Variants in VPS16 observed in about 807,000 individuals in gnomAD.
The protein encoded by VPS16 is VPS16 core subunit of CORVET and HOPS complexes.
VPS16 carries 82 observed loss-of-function variants against 116.0 expected under a neutral mutation model. The ratio of observed to expected loss-of-function variants is 0.71; its 90% CI spans 0.59 to 0.85. VPS16 has a LOEUF of 0.85. Ranked by LOEUF, VPS16 falls within the 40% of genes least tolerant of loss-of-function variation. The probability of loss-of-function intolerance (pLI) is 0.00; values close to 1 mark genes in which losing one functional copy is unlikely to be tolerated. For missense variants in VPS16, 928 were observed against 1,090.6 expected (o/e 0.85, Z 2.10); for synonymous variants, 406 against 420.7 (o/e 0.96, Z 0.43).
At chr20:2,840,894 G>A (rs2088961761) in intron 1 of VPS16, 67 bp downstream of exon 1, 6 of 1,233,162 alleles carry the variant, frequency 4.9e-6, no homozygotes, top group Non-Finnish European at 6.4e-6. Flanking sequence ...GGAGTCTCCC[G>A]GCGGCGTTCG....
intron 22 of VPS16, 140 bp from the exon 23 acceptor site, chr20:2,866,072 G>C: frequency 1.4e-6 from 1 of 730,656 alleles, no homozygotes; most frequent in Non-Finnish European, 2.3e-6. Context: ...GTGCATGGGG[G>C]TTGGGGGATT....
intron 1 of VPS16, among the ~76,000 whole-genome samples, chr20:2,851,894 T>C (rs2089126010): frequency 6.6e-6 from 1 of 151,912 alleles, no homozygotes; most frequent in Non-Finnish European, 1.5e-5. Flanking sequence ...TGGCGTGAAG[T>C]CGGGAGGCGG....
At chr20:2,848,377 G>A (rs1454120660) in intron 1 of VPS16, among the ~76,000 whole-genome samples, 1 of 152,110 alleles carries the variant, frequency 6.6e-6, no homozygotes, top group African/African-American at 2.4e-5. Flanking sequence ...TCAAAGTGCT[G>A]GGATTACAAG....
At chr20:2,853,821 C>T (rs369245986) in intron 1 of VPS16, among the ~76,000 whole-genome samples, 2 of 151,952 alleles carry the variant, frequency 1.3e-5, no homozygotes, top group African/African-American at 4.8e-5. Flanking sequence ...TACAGGCACC[C>T]GCCACCACAC....
intron 1 of VPS16, among the ~76,000 whole-genome samples, chr20:2,847,198 AG>A (rs2089069033): frequency 6.6e-6 from 1 of 152,014 alleles, no homozygotes; most frequent in Non-Finnish European, 1.5e-5. Flanking sequence ...GTACCCCTTT[AG>A]GGGGTCCATT....
At position 2,863,203 on chromosome 20, in the gene VPS16, G is replaced by A. The variant is rs995622167; in HGVS notation, c.1368-87G>A. 26 of 1,610,440 alleles carry A rather than the reference G, an allele frequency of 1.6e-5. No homozygotes were observed. Among genetic ancestry groups the A allele is most frequent in the Non-Finnish European group, 2.1e-5 (25 of 1,177,180 alleles). ...ACTGCTCCTGACCTATCTAGGATGT[G>A]GGAGGCCTGATGTGCAGGCTGAGGC... On this transcript the variant is annotated intron_variant, in intron 14 of 23. Transcript: ENST00000380445. The surrounding 1 kb of genome is among the most constrained non-coding windows in gnomAD (Gnocchi z 4.4).
chr20:2,860,599 C>T lies in VPS16; in HGVS notation c.514+6C>T. 1 of 1,613,452 alleles carries T rather than the reference C, an allele frequency of 6.2e-7. No homozygotes were observed. The highest frequency in any genetic ancestry group is 1.3e-5 in the African/African-American group (1 of 75,018). On this transcript the variant is annotated splice_donor_region_variant and intron_variant, in intron 5 of 23. Transcript: ENST00000380445. This position sits in a 1 kb window ranked among gnomAD's most constrained non-coding sequence, Gnocchi z 6.1. ...CCGGATGCCAGAGGTGCCAGGTAAG[C>T]CCTGACACCGCTGAGATAGCCAAGC... is the stretch of plus-strand genomic sequence containing the variant.
In VPS16 at chr20:2,864,112, T is replaced by C; in HGVS notation, c.1611+29T>C. ...TGGGTGCCCAGCCCTCCACAGACAC[T>C]CTGATGTGGTTGTTCAGGGCCCCCA... On this transcript the variant is annotated intron_variant, in intron 16 of 23. Transcript: ENST00000380445. The surrounding 1 kb of genome is among the most constrained non-coding windows in gnomAD (Gnocchi z 5.2). The C allele has an allele frequency of 6.2e-7, 1 of 1,613,628 alleles. No homozygotes were observed. Among genetic ancestry groups the C allele is most frequent in the South Asian group, 1.1e-5 (1 of 91,074 alleles).
chr20:2,855,907 C>G (rs2089167464), intron 1 of VPS16, among the ~76,000 whole-genome samples: 1 of 152,186 alleles, frequency 6.6e-6, no homozygotes, highest in African/African-American at 2.4e-5. Context: ...TTTCTCCTTA[C>G]CCGCAAAAAG....
Position 2,863,327 on chromosome 20 carries a change from A to T in VPS16, c.1405A>T (p.Ile469Leu). The change falls in exon 15 of 24, where the codon ATA (isoleucine) becomes TTA (leucine). Residue 469 changes from isoleucine (I) to leucine (L), a missense_variant. Transcript: ENST00000380445. This position sits in a 1 kb window ranked among gnomAD's most constrained non-coding sequence, Gnocchi z 4.4. ...LRRLYPLAIQ[I>L]CEYLRLPEVQ... ...GAGACTTTACCCCCTGGCCATCCAG[A>T]TATGCGAGTACTTGCGCCTTCCTGA... The T allele has an allele frequency of 6.2e-7, 1 of 1,614,168 alleles. No homozygotes were observed.
Position 2,840,779 on chromosome 20 carries a change from A to T in VPS16, c.5A>T (p.Asp2Val), listed in dbSNP as rs1305419216. M[D>V]CYTANWNPLG... ...CAGCTGCCGTCTGCACCAGCCATGG[A>T]CTGCTACACGGCGAACTGGAACCCA... is the stretch of plus-strand genomic sequence containing the variant. The change falls in exon 1 of 24, where the codon GAC becomes GTC. Residue 2 changes from aspartate to valine, a missense_variant. By Grantham distance (152) the Asp-to-Val change is radical. Coordinates refer to ENST00000380445, the MANE Select transcript of VPS16 (RefSeq NM_022575.4). The T allele has an allele frequency of 6.5e-7, 1 of 1,548,522 alleles. No individual in the cohort carries two copies. The highest frequency in any genetic ancestry group is 2.0e-5 in the Admixed American group (1 of 50,994).
intron 1 of VPS16, among the ~76,000 whole-genome samples, chr20:2,846,826 C>T (rs2089064898): frequency 6.6e-6 from 1 of 152,184 alleles, no homozygotes; most frequent in African/African-American, 2.4e-5. Flanking sequence ...TTCACTGTTT[C>T]CAGCAGGGGA....
intron 1 of VPS16, among the ~76,000 whole-genome samples, chr20:2,858,197 C>T (rs1210859490): frequency 4.0e-5 from 6 of 151,776 alleles, no homozygotes; most frequent in Admixed American, 1.3e-4. Flanking sequence ...CAGGTTCAAG[C>T]GATCCTCCTG....
chr20:2,843,299 G>A (rs2089027964), intron 1 of VPS16, among the ~76,000 whole-genome samples: 1 of 152,108 alleles, frequency 6.6e-6, no homozygotes, highest in African/African-American at 2.4e-5. Context: ...GGGCGTGGTG[G>A]CACACACCTA....
rs374914263 is a variant in VPS16 at position 2,864,990 on chromosome 20, C to T, written c.1939C>T (p.Arg647Ter). The change falls in exon 20 of 24, where the codon CGA becomes TGA. Residue 647 changes from arginine to a stop codon, truncating the protein, a stop_gained. Coordinates refer to ENST00000380445, the MANE Select transcript of VPS16 (RefSeq NM_022575.4). LOFTEE classifies it high-confidence loss of function. This position sits in a 1 kb window ranked among gnomAD's most constrained non-coding sequence, Gnocchi z 5.2. ...SYAAEERIEG[R>*]VAALQTAADA... ...CTTGTCTTTATAGCGTATTGAGGGG[C>T]GAGTAGCAGCTCTGCAGACAGCCGC... is the stretch of plus-strand genomic sequence containing the variant. 5 of 1,613,994 alleles carry T rather than the reference C, an allele frequency of 3.1e-6. No homozygotes were observed. The African/African-American group carries it at 4.0e-5, about 13-fold the overall frequency.
At position 2,849,573 on chromosome 20, in the gene VPS16, A is replaced by G. The variant is rs187406991; in HGVS notation, c.53+8746A>G. Among the ~76,000 whole-genome samples, 271 of 151,854 alleles carry G rather than the reference A, an allele frequency of 1.8e-3. 2 individuals are homozygous for G. Among genetic ancestry groups the G allele is most frequent in the Middle Eastern group, 0.017 (5 of 294 alleles). On this transcript the variant is annotated intron_variant, in intron 1 of 23. Coordinates refer to ENST00000380445, the MANE Select transcript of VPS16 (RefSeq NM_022575.4). ...CTCTGCCTCCCAAAACGCTGAGATT[A>G]CAGATGTGAGCTACTGCACCCGGTT...
At position 2,865,063 on chromosome 20, in the gene VPS16, C is replaced by T. The variant is rs754857415; in HGVS notation, c.2004+8C>T. 1.2e-6 allele frequency: 2 copies of T among 1,614,124 alleles called. No homozygotes were observed. The highest frequency in any genetic ancestry group is 4.5e-5 in the East Asian group (2 of 44,886). On this transcript the variant is annotated splice_region_variant and intron_variant, in intron 20 of 23. Coordinates refer to ENST00000380445, the MANE Select transcript of VPS16 (RefSeq NM_022575.4). This position sits in a 1 kb window ranked among gnomAD's most constrained non-coding sequence, Gnocchi z 5.2. The stretch of plus-strand genomic sequence containing the variant: ...AATGAGTTTGCAGCCAAGGTTTGGC[C>T]CACCTTTTTCCAAGAGCCTCCTCGT...
At chr20:2,852,261 A>C (rs1204304468) in intron 1 of VPS16, among the ~76,000 whole-genome samples, 1 of 152,162 alleles carries the variant, frequency 6.6e-6, no homozygotes, top group African/African-American at 2.4e-5. Context: ...GAAGCACAGG[A>C]GGGCCCCTTC....
At chr20:2,866,129 A>T in intron 22 of VPS16, 83 bp from the exon 23 acceptor site, 3 of 1,173,608 alleles carry the variant, frequency 2.6e-6, no homozygotes, top group South Asian at 2.6e-5. Context: ...TGGACGATGT[A>T]TGCATTGCGC....
Sources: allele counts gnomAD v4.1 joint callset (sites outside exome capture counted in the v4.1 genomes callset), GRCh38; gene constraint gnomAD v4.1.1; non-coding constraint Gnocchi (gnomAD v3.1); transcripts MANE v1.5; gene names NCBI Gene and HGNC (gene_info 2026-07-23, HGNC 2026-07-21).